Variants in BRD10 observed in about 807,000 individuals in gnomAD.
BRD10 encodes the protein uncharacterized bromodomain-containing protein 10.
At chr9:5,945,965 G>C in the BRD10 span, among the ~76,000 whole-genome samples, 1 of 151,892 alleles carries the variant, frequency 6.6e-6, no homozygotes, top group Non-Finnish European at 1.5e-5. Context: ...CCCCAAGTTC[G>C]ATACATTCAT....
the BRD10 span, chr9:5,907,081 C>A: frequency 1.0e-6 from 1 of 973,432 alleles, no homozygotes; most frequent in Non-Finnish European, 1.5e-6. Context: ...ATTTAAAAAG[C>A]AAGGACAATG....
chr9:5,970,213 T>G, the BRD10 span, among the ~76,000 whole-genome samples: 2 of 152,262 alleles, frequency 1.3e-5, no homozygotes, highest in Admixed American at 1.3e-4. Context: ...AACAAAACTA[T>G]GAAAAAATTG....
the BRD10 span, chr9:5,923,304 T>C: frequency 3.1e-6 from 5 of 1,591,494 alleles, no homozygotes; most frequent in Non-Finnish European, 3.4e-6. Context: ...GACAACTTCA[T>C]ATCATCTGAA....
At chr9:6,004,677 A>T in the BRD10 span, among the ~76,000 whole-genome samples, 3 of 152,238 alleles carry the variant, frequency 2.0e-5, no homozygotes. Context: ...AAAATACCAT[A>T]TACCACTTTG....
At chr9:5,915,947 T>G in the BRD10 span, among the ~76,000 whole-genome samples, 1 of 152,256 alleles carries the variant, frequency 6.6e-6, no homozygotes, top group Non-Finnish European at 1.5e-5. Flanking sequence ...ATACATCATT[T>G]GATTCTCTAA....
the BRD10 span, chr9:5,929,105 G>A: frequency 5.0e-6 from 8 of 1,608,364 alleles, no homozygotes; most frequent in Non-Finnish European, 6.8e-6. Flanking sequence ...TTTAAAAGAC[G>A]TATCAATGTA....
chr9:5,940,459 C>T, the BRD10 span, among the ~76,000 whole-genome samples: 1 of 152,180 alleles, frequency 6.6e-6, no homozygotes, highest in African/African-American at 2.4e-5. Flanking sequence ...TCCCAAAGTG[C>T]TGGGATTACA....
At chr9:5,995,859 T>C in the BRD10 span, among the ~76,000 whole-genome samples, 2 of 152,198 alleles carry the variant, frequency 1.3e-5, no homozygotes, top group Admixed American at 1.3e-4. Context: ...AAGAACACGC[T>C]AACAATTTGT....
At chr9:5,926,878 T>C in the BRD10 span, among the ~76,000 whole-genome samples, 1 of 152,186 alleles carries the variant, frequency 6.6e-6, no homozygotes, top group Non-Finnish European at 1.5e-5. Flanking sequence ...AGTTTACTTA[T>C]TACAAATGAG....
the BRD10 span, chr9:5,897,415 G>C: frequency 1.4e-6 from 1 of 715,002 alleles, no homozygotes; most frequent in Non-Finnish European, 2.4e-6. Flanking sequence ...GCCCAGTGTG[G>C]GAGGTGGGAA....
chr9:5,928,959 C>A, the BRD10 span: 1 of 677,318 alleles, frequency 1.5e-6, no homozygotes, highest in South Asian at 2.1e-5. Context: ...GACTGGAAAA[C>A]TACTAAATGA....
At chr9:5,910,414 G>C in the BRD10 span, 1 of 152,200 alleles carries the variant, frequency 6.6e-6, no homozygotes, top group Non-Finnish European at 1.5e-5. Context: ...TTCTGATACT[G>C]TCAAGTCTTA....
the BRD10 span, chr9:5,921,931 A>C: frequency 6.2e-7 from 1 of 1,613,980 alleles, no homozygotes; most frequent in Middle Eastern, 1.6e-4. Context: ...CTGGAATGGA[A>C]ACAGAAGTTG....
the BRD10 span, chr9:5,908,778 A>G: frequency 2.1e-6 from 3 of 1,415,304 alleles, no homozygotes; most frequent in South Asian, 3.5e-5. Context: ...TAATACAGAC[A>G]TCTAATGTTC....
the BRD10 span, chr9:5,920,299 A>G: frequency 1.2e-6 from 2 of 1,613,990 alleles, no homozygotes; most frequent in Middle Eastern, 1.6e-4. Flanking sequence ...CTTGTGGTGG[A>G]ACAATAAACC....
chr9:5,922,612 T>C, the BRD10 span: 115 of 1,614,006 alleles, frequency 7.1e-5, no homozygotes, highest in South Asian at 1.1e-3. Flanking sequence ...TACCTTTCTG[T>C]TGAAGTGGTG....
the BRD10 span, among the ~76,000 whole-genome samples, chr9:5,886,467 T>G: frequency 2.6e-5 from 4 of 152,258 alleles, no homozygotes; most frequent in Non-Finnish European, 5.9e-5. Context: ...ACTCTCACCA[T>G]GAACCTATGA....
At chr9:6,000,142 A>G in the BRD10 span, among the ~76,000 whole-genome samples, 4 of 152,092 alleles carry the variant, frequency 2.6e-5, no homozygotes, top group Non-Finnish European at 5.9e-5. Context: ...AACTACTAAC[A>G]TTTTCTTGGT....
the BRD10 span, among the ~76,000 whole-genome samples, chr9:6,001,784 T>C: frequency 6.6e-6 from 1 of 152,176 alleles, no homozygotes; most frequent in Non-Finnish European, 1.5e-5. Context: ...CTCCCAATAG[T>C]TATCCCTCCT....
Sources: gnomAD v4.1 joint callset for allele counts (sites outside exome capture counted in the v4.1 genomes callset) on GRCh38, gnomAD v4.1.1 for gene constraint, MANE v1.5 for transcripts, NCBI Gene and HGNC (gene_info 2026-07-23, HGNC 2026-07-21) for gene names.